SORCS1: variants seen among roughly 807,000 people sequenced by gnomAD.
SORCS1 encodes VPS10 domain-containing receptor SorCS1.
In SORCS1, 60 loss-of-function variants were observed where a neutral mutation model predicts 146.1. The observed-to-expected ratio is 0.41, with a 90% CI of 0.33 to 0.51. The LOEUF is 0.51. Among genes scored for constraint, SORCS1 ranks in the 20% least tolerant of loss-of-function variants. The probability of loss-of-function intolerance (pLI) is 0.21; values close to 1 mark genes in which losing one functional copy is unlikely to be tolerated. For missense variants in SORCS1, 1,352 were observed against 1,487.6 expected (o/e 0.91, Z 1.50); for synonymous variants, 637 against 584.0 (o/e 1.09, Z -1.31).
At chr10:106,921,482 C>T (rs983453178) in intron 2 of SORCS1, among the ~76,000 whole-genome samples, 26 of 152,142 alleles carry the variant, frequency 1.7e-4, no homozygotes, top group African/African-American at 6.3e-4. Context: ...CTCTTAATTC[C>T]ATTTCAATAT....
intron 21 of SORCS1, among the ~76,000 whole-genome samples, chr10:106,616,374 G>C (rs1280371316): frequency 6.6e-6 from 1 of 152,146 alleles, no homozygotes; most frequent in Non-Finnish European, 1.5e-5. Context: ...TCAGTGCATG[G>C]GCCCTGAGTC....
intron 2 of SORCS1, among the ~76,000 whole-genome samples, chr10:106,917,651 C>A (rs1450970470): frequency 1.3e-5 from 2 of 152,172 alleles, no homozygotes; most frequent in Non-Finnish European, 2.9e-5. Context: ...GAAAATGTTT[C>A]CAGACACTGC....
chr10:106,856,233 A>C (rs1181641828), intron 2 of SORCS1, among the ~76,000 whole-genome samples: 1 of 152,016 alleles, frequency 6.6e-6, no homozygotes, highest in Non-Finnish European at 1.5e-5. Context: ...CACCATATTG[A>C]CCAGGCTGAT....
chr10:107,054,604 T>C (rs1353748892), intron 1 of SORCS1, among the ~76,000 whole-genome samples: 2 of 152,178 alleles, frequency 1.3e-5, no homozygotes, highest in African/African-American at 4.8e-5. Context: ...AAATGTCACA[T>C]TCAGAGCCTT....
chr10:106,647,816 A>G (rs1264535208), intron 18 of SORCS1, among the ~76,000 whole-genome samples: 26 of 152,184 alleles, frequency 1.7e-4, no homozygotes, highest in Admixed American at 1.7e-3. Context: ...AAAATCACTA[A>G]TTTTCAAAAT....
chr10:106,904,756 A>C (rs1951844147), intron 2 of SORCS1, among the ~76,000 whole-genome samples: 1 of 152,204 alleles, frequency 6.6e-6, no homozygotes, highest in Non-Finnish European at 1.5e-5. Context: ...GTTTTGGCCC[A>C]TTTGTATTGA....
intron 4 of SORCS1, among the ~76,000 whole-genome samples, chr10:106,771,969 C>A (rs1447957153): frequency 6.6e-6 from 1 of 152,148 alleles, no homozygotes; most frequent in Non-Finnish European, 1.5e-5. Context: ...AGCCACATCC[C>A]CAGACAAGAT....
At chr10:106,610,213 G>A (rs1846883897) in intron 22 of SORCS1, among the ~76,000 whole-genome samples, 1 of 151,844 alleles carries the variant, frequency 6.6e-6, no homozygotes, top group Non-Finnish European at 1.5e-5. Context: ...ATCTATCCCT[G>A]TTTCTCCTTG....
intron 2 of SORCS1, among the ~76,000 whole-genome samples, chr10:106,950,885 G>A (rs1954643306): frequency 6.6e-6 from 1 of 152,026 alleles, no homozygotes; most frequent in African/African-American, 2.4e-5. Context: ...GACACACAGT[G>A]AATACCCAAT....
intron 6 of SORCS1, among the ~76,000 whole-genome samples, chr10:106,717,293 C>T (rs1158641605): frequency 6.6e-6 from 1 of 152,234 alleles, no homozygotes; most frequent in African/African-American, 2.4e-5. Context: ...ATCACGCACG[C>T]ACACACGTGT....
chr10:107,094,044 T>A (rs937957312), intron 1 of SORCS1, among the ~76,000 whole-genome samples: 26 of 152,148 alleles, frequency 1.7e-4, no homozygotes, highest in Non-Finnish European at 3.5e-4. Flanking sequence ...AAACCCCACT[T>A]CTCCCAGACT....
intron 1 of SORCS1, among the ~76,000 whole-genome samples, chr10:107,030,131 C>T (rs1958585510): frequency 6.6e-6 from 1 of 152,046 alleles, no homozygotes; most frequent in South Asian, 2.1e-4. Flanking sequence ...CTCCATGTTG[C>T]TTTTTAAGTT....
At chr10:106,788,419 C>G (rs555963974) in intron 3 of SORCS1, among the ~76,000 whole-genome samples, 3 of 152,278 alleles carry the variant, frequency 2.0e-5, no homozygotes, top group African/African-American at 7.2e-5. Context: ...TGAGACAAAT[C>G]AAGTCCCTTC....
chr10:106,626,889 G>A (rs1472302844), intron 19 of SORCS1, among the ~76,000 whole-genome samples: 1 of 152,190 alleles, frequency 6.6e-6, no homozygotes, highest in Non-Finnish European at 1.5e-5. Flanking sequence ...TATGAGGCAT[G>A]CTTATCCAAC....
chr10:107,123,027 T>A (rs77695212), intron 1 of SORCS1, among the ~76,000 whole-genome samples: 1 of 151,740 alleles, frequency 6.6e-6, no homozygotes, highest in African/African-American at 2.4e-5. Context: ...CCCCTTTCTT[T>A]TTTTCACTTT....
At chr10:106,604,917 C>A (rs1846469187) in intron 23 of SORCS1, among the ~76,000 whole-genome samples, 1 of 152,214 alleles carries the variant, frequency 6.6e-6, no homozygotes, top group South Asian at 2.1e-4. Context: ...CCCAGACACC[C>A]CATGAGATAA....
At chr10:107,078,244 C>G (rs1045961210) in intron 1 of SORCS1, among the ~76,000 whole-genome samples, 30 of 152,100 alleles carry the variant, frequency 2.0e-4, no homozygotes, top group Non-Finnish European at 4.3e-4. Context: ...TGTTAAATAA[C>G]TTATACTCAG....
At chr10:107,002,489 T>C (rs1352793084) in intron 1 of SORCS1, among the ~76,000 whole-genome samples, 4 of 152,200 alleles carry the variant, frequency 2.6e-5, no homozygotes, top group African/African-American at 9.6e-5. Flanking sequence ...TGTGAGCAAC[T>C]GTCTCCAGCC....
In SORCS1 at chr10:106,794,969, C is replaced by T. The variant is rs116957256; in HGVS notation, c.727-18277G>A. On this transcript the variant is annotated intron_variant, in intron 3 of 25. Coordinates refer to ENST00000263054, the MANE Select transcript of SORCS1 (RefSeq NM_052918.5). ...GGTCCCCCAATTCTGCTCACTCACA[C>T]GACCTTAGGAAATCACTTCTTATGT... is the stretch of plus-strand genomic sequence containing the variant. Among the ~76,000 whole-genome samples the T allele has an allele frequency of 3.5e-4, 53 of 152,304 alleles. No individual in the cohort carries two copies. In the East Asian group the frequency reaches 9.8e-3, roughly 28 times the overall value.
Sources: gnomAD v4.1 joint callset for allele counts (sites outside exome capture counted in the v4.1 genomes callset) on GRCh38, gnomAD v4.1.1 for gene constraint, MANE v1.5 for transcripts, NCBI Gene and HGNC (gene_info 2026-07-23, HGNC 2026-07-21) for gene names.